The following PDE1C variants were observed in gnomAD, a reference collection of about 807,000 sequenced individuals.
The protein encoded by PDE1C is phosphodiesterase 1C, also known as dual specificity calcium/calmodulin-dependent 3',5'-cyclic nucleotide phosphodiesterase 1C.
PDE1C carries 62 observed loss-of-function variants against 93.1 expected under a neutral mutation model. That is an observed-to-expected ratio of 0.67 (90% CI 0.54 to 0.82). The LOEUF (loss-of-function observed/expected upper bound fraction) is 0.82, where lower values mean the gene tolerates loss of function less well. Ranked by LOEUF, PDE1C falls within the 40% of genes least tolerant of loss-of-function variation. The probability of loss-of-function intolerance (pLI) is 0.00; values close to 1 mark genes in which losing one functional copy is unlikely to be tolerated. For missense variants in PDE1C, 742 were observed against 884.6 expected, an observed-to-expected ratio of 0.84 and a Z score of 2.04; for synonymous variants, 325 against 310.1, an observed-to-expected ratio of 1.05 and a Z score of -0.50.
At chr7:31,798,107 T>C (rs893715605) in intron 16 of PDE1C, among the ~76,000 whole-genome samples, 1 of 151,808 alleles carries the variant, frequency 6.6e-6, no homozygotes. Flanking sequence ...AATTTGACTT[T>C]CCAAGTAAGT....
At position 32,217,659 on chromosome 7, in the gene PDE1C, T is replaced by C. The variant is rs554929575; in HGVS notation, c.86-8120A>G. ...TGCCATGGTTGGGGTTGGGGGAAAATGAAGGGAGGAGGTAGGATGGGTAAA... is the reference window on the plus strand; with the variant it reads ...TGCCATGGTTGGGGTTGGGGGAAAACGAAGGGAGGAGGTAGGATGGGTAAA... On this transcript the variant is annotated intron_variant, in intron 1 of 18. Coordinates refer to the PDE1C transcript ENST00000396193. Among the ~76,000 whole-genome samples the C allele has an allele frequency of 2.6e-5, 4 of 151,722 alleles. No individual in the cohort carries two copies. The South Asian group carries it at 6.3e-4, about 24-fold the overall frequency.
Position 32,090,008 on chromosome 7 carries a change from C to A in PDE1C, c.308+79777G>T, listed in dbSNP as rs79480070. On this transcript the variant is annotated intron_variant, in intron 3 of 18. Coordinates refer to the PDE1C transcript ENST00000396193. Reference sequence around the variant, plus strand: ...CTTGTCTTTTAAACTTATCCTATTCCTTTTATCTAGTTTTTATTTCTTGCA... The same window carrying A: ...CTTGTCTTTTAAACTTATCCTATTCATTTTATCTAGTTTTTATTTCTTGCA... Among the ~76,000 whole-genome samples the A allele has an allele frequency of 1.2e-3, 188 of 152,236 alleles. 4 individuals carry two copies. The East Asian group carries it at 0.026, about 21-fold the overall frequency.
chr7:31,882,696 G>A (rs949691248), intron 2 of PDE1C, among the ~76,000 whole-genome samples: 1 of 152,100 alleles, frequency 6.6e-6, no homozygotes, highest in East Asian at 1.9e-4. Flanking sequence ...GGGCTTACAG[G>A]TTCTATCAGG....
the PDE1C span, chr7:31,695,587 T>G: frequency 1.2e-6 from 2 of 1,613,776 alleles, no homozygotes; most frequent in African/African-American, 2.7e-5. Flanking sequence ...GGAGGAAAGA[T>G]ACACCGGCGC....
chr7:31,938,544 T>G (rs1024085240), intron 2 of PDE1C, among the ~76,000 whole-genome samples: 3 of 152,194 alleles, frequency 2.0e-5, no homozygotes, highest in Non-Finnish European at 4.4e-5. Flanking sequence ...TAATCATGTA[T>G]GCAATACTAT....
intron 2 of PDE1C, among the ~76,000 whole-genome samples, chr7:31,921,167 C>G (rs1446780242): frequency 7.9e-5 from 12 of 152,198 alleles, no homozygotes; most frequent in Admixed American, 6.5e-4. Context: ...ATAAAGTACA[C>G]TTTCTATCCA....
At chr7:32,360,064 G>A (rs990088117) in intron 1 of PDE1C, among the ~76,000 whole-genome samples, 2 of 152,110 alleles carry the variant, frequency 1.3e-5, no homozygotes, top group Non-Finnish European at 2.9e-5. Context: ...CCCTGACTCT[G>A]AATTCCACAC....
chr7:31,753,392 T>C lies in PDE1C; in HGVS notation c.2122A>G (p.Arg708Gly), dbSNP rs945788616. ...CTCTTCTTCCCCTCGGCCTATTTTC[T>C]GTTCCAGTTATGTGAGATGTTCTGA... ...KIQNISHNWN[R>G]K Residue 708 changes from arginine to glycine, a missense_variant, in exon 18 of 18, where the codon AGA becomes GGA. By Grantham distance (125) the Arg-to-Gly change is moderately radical. Transcript: ENST00000396191. The C allele has an allele frequency of 6.8e-6, 11 of 1,611,912 alleles. No individual in the cohort carries two copies. The highest frequency in any genetic ancestry group is 4.0e-5 in the African/African-American group (3 of 74,888).
At chr7:32,265,143 A>G (rs1373442296) in intron 1 of PDE1C, among the ~76,000 whole-genome samples, 1 of 152,184 alleles carries the variant, frequency 6.6e-6, no homozygotes, top group African/African-American at 2.4e-5. Flanking sequence ...AAGGGAAGGG[A>G]ATTTATTTCA....
At chr7:31,969,325 G>C (rs982926596) in intron 2 of PDE1C, among the ~76,000 whole-genome samples, 1 of 152,104 alleles carries the variant, frequency 6.6e-6, no homozygotes, top group Non-Finnish European at 1.5e-5. Context: ...TCAAAAAATG[G>C]GTGAAGGATA....
chr7:32,078,686 AG>A (rs925437264), intron 3 of PDE1C, among the ~76,000 whole-genome samples: 54 of 152,244 alleles, frequency 3.5e-4, no homozygotes, highest in African/African-American at 1.3e-3. Flanking sequence ...GCACTTTGGG[AG>A]GCCGAGGCAG....
chr7:31,867,047 G>A (rs955779266), intron 6 of PDE1C, among the ~76,000 whole-genome samples: 1 of 152,022 alleles, frequency 6.6e-6, no homozygotes, highest in Non-Finnish European at 1.5e-5. Context: ...CATACTACCT[G>A]GGGGCTCAAT....
rs77568330 is a variant in PDE1C, at chr7:32,404,700, T to C, written c.310+23122A>G. On this transcript the variant is annotated intron_variant, in intron 1 of 1. Coordinates refer to the PDE1C transcript ENST00000672256. ...CAGAGGCAATGCTCCATAATCTTCG[T>C]GCCCATGTCTCTATGTGCGTGTGGG... is the stretch of plus-strand genomic sequence containing the variant. 1.7e-3 allele frequency among the ~76,000 whole-genome samples: 258 copies of C among 152,284 alleles called. 8 individuals are homozygous for C. In the East Asian group the frequency reaches 0.043, roughly 26 times the overall value.
At chr7:31,681,720 T>C in the PDE1C span, among the ~76,000 whole-genome samples, 1 of 152,220 alleles carries the variant, frequency 6.6e-6, no homozygotes, top group Admixed American at 6.5e-5. Context: ...TGAATGATAA[T>C]TGAATAAACT....
intron 1 of PDE1C, among the ~76,000 whole-genome samples, chr7:32,420,495 A>T (rs1255110114): frequency 6.7e-6 from 1 of 149,166 alleles, no homozygotes. Flanking sequence ...TGGAGGTTGC[A>T]GTCAACCGAG....
At chr7:31,706,562 C>T in the PDE1C span, among the ~76,000 whole-genome samples, 1 of 152,190 alleles carries the variant, frequency 6.6e-6, no homozygotes, top group African/African-American at 2.4e-5. Flanking sequence ...TGAACGTCAT[C>T]ACCTCCTGGT....
In PDE1C at chr7:32,395,288, A is replaced by G. The variant is rs556972915; in HGVS notation, c.310+32534T>C. Among the ~76,000 whole-genome samples, 73 of 152,262 alleles carry G rather than the reference A, an allele frequency of 4.8e-4. 1 individual carries two copies. Among genetic ancestry groups the G allele is most frequent in the South Asian group, 8.3e-4 (4 of 4,818 alleles). On this transcript the variant is annotated intron_variant, in intron 1 of 1. Transcript: ENST00000672256. ...CAGCAGTCAAAACAGGTACAGGGGG[A>G]AGTGTGCTTTGGGAGGTCAGGGAAG...
At chr7:31,788,153 T>C (rs1784202552) in intron 16 of PDE1C, 1 of 152,168 alleles carries the variant, frequency 6.6e-6, no homozygotes, top group Non-Finnish European at 1.5e-5. Flanking sequence ...ATGTTGTTTC[T>C]TGTTGCTTGT....
chr7:32,347,131 C>T (rs1464931904), intron 1 of PDE1C, among the ~76,000 whole-genome samples: 1 of 152,178 alleles, frequency 6.6e-6, no homozygotes, highest in East Asian at 1.9e-4. Context: ...CCTCTACTCC[C>T]TATAATCCAC....
Sources: gnomAD v4.1 joint callset for allele counts (sites outside exome capture counted in the v4.1 genomes callset) on GRCh38, gnomAD v4.1.1 for gene constraint, MANE v1.5 for transcripts, NCBI Gene and HGNC (gene_info 2026-07-23, HGNC 2026-07-21) for gene names.